BBS4: variants seen among roughly 807,000 people sequenced by gnomAD.
BBS4 encodes Bardet-Biedl syndrome 4.
Under a neutral mutation model 71.4 loss-of-function variants are expected in BBS4, and 58 were observed. The observed-to-expected ratio is 0.81, with a 90% CI of 0.66 to 1.01. BBS4 has a LOEUF of 1.01. Among genes scored for constraint, BBS4 ranks in the 50% least tolerant of loss-of-function variants. The probability of loss-of-function intolerance (pLI) is 0.00; values close to 1 mark genes in which losing one functional copy is unlikely to be tolerated. For missense variants in BBS4, 660 were observed against 607.9 expected, an observed-to-expected ratio of 1.09 and a Z score of -0.90; for synonymous variants, 228 against 216.8, an observed-to-expected ratio of 1.05 and a Z score of -0.46.
At chr15:72,729,970 C>T (rs2065780087) in intron 10 of BBS4, among the ~76,000 whole-genome samples, 1 of 152,158 alleles carries the variant, frequency 6.6e-6, no homozygotes, top group African/African-American at 2.4e-5. Flanking sequence ...AATGCCTCCA[C>T]AACTATTGTC....
intron 11 of BBS4, 38 bp from the exon 12 acceptor site, chr15:72,731,517 G>C (rs377516018): frequency 6.2e-7 from 1 of 1,614,066 alleles, no homozygotes; most frequent in Non-Finnish European, 8.5e-7. Context: ...GGTCTGTTTA[G>C]CTTGCCCTTC....
intron 1 of BBS4, among the ~76,000 whole-genome samples, chr15:72,691,439 C>T (rs1370179178): frequency 1.3e-5 from 2 of 152,096 alleles, no homozygotes; most frequent in Non-Finnish European, 2.9e-5. Flanking sequence ...TTTCCTTCCT[C>T]CACATCAGAT....
chr15:72,721,966 C>A (rs1160068895), intron 6 of BBS4, among the ~76,000 whole-genome samples: 1 of 152,194 alleles, frequency 6.6e-6, no homozygotes, highest in African/African-American at 2.4e-5. Context: ...GCTACTCTGC[C>A]TTTTCTGCTT....
intron 6 of BBS4, among the ~76,000 whole-genome samples, chr15:72,719,981 C>T (rs1323341104): frequency 6.6e-6 from 1 of 151,550 alleles, no homozygotes; most frequent in African/African-American, 2.4e-5. Context: ...GAGCTCCTGA[C>T]GTTGTGATCC....
At chr15:72,718,543 CAATTT>C (rs1218246482) in intron 6 of BBS4, among the ~76,000 whole-genome samples, 3 of 152,112 alleles carry the variant, frequency 2.0e-5, no homozygotes, top group African/African-American at 7.2e-5. Context: ...GAAGTGTGTT[CAATTT>C]GTTAGTCGCT....
rs1374559448 is a variant in BBS4, at chr15:72,730,539, CT to C, written c.712-765del. On this transcript the variant is annotated intron_variant, in intron 10 of 15. Transcript: ENST00000268057. ...CCCAGGAGTTTGAGTCTACAGTGGGCTATGATGGCACCACTATACTCCAGCC... is the reference window on the plus strand; with the variant it reads ...CCCAGGAGTTTGAGTCTACAGTGGGCATGATGGCACCACTATACTCCAGCC... 7.3e-5 allele frequency among the ~76,000 whole-genome samples: 11 copies of C among 149,772 alleles called. No homozygotes were observed. In the Admixed American group the frequency reaches 7.4e-4, roughly 10 times the overall value.
chr15:72,693,812 G>A (rs1440885005), intron 1 of BBS4, among the ~76,000 whole-genome samples: 3 of 152,002 alleles, frequency 2.0e-5, no homozygotes, highest in African/African-American at 7.2e-5. Context: ...TTCTTATGAT[G>A]TCTTATTGTG....
At chr15:72,715,441 G>A (rs2151023533) in intron 5 of BBS4, 39 bp downstream of exon 5, 1 of 1,406,484 alleles carries the variant, frequency 7.1e-7, no homozygotes, top group East Asian at 2.3e-5. Flanking sequence ...GGCACTCACA[G>A]AGAACAGTGT....
intron 8 of BBS4, among the ~76,000 whole-genome samples, chr15:72,726,326 G>A (rs1201780273): frequency 6.6e-6 from 1 of 152,044 alleles, no homozygotes; most frequent in Non-Finnish European, 1.5e-5. Context: ...TGGTCAGGCT[G>A]GTCTCGAATT....
intron 8 of BBS4, among the ~76,000 whole-genome samples, chr15:72,726,069 TCTTTCTTTGTTTCTTTCTTTTCTTC>T (rs1196543769): frequency 1.4e-5 from 2 of 141,108 alleles, no homozygotes; most frequent in African/African-American, 2.6e-5. Flanking sequence ...CCCATTCCCA[TCTTTCTTTGTTTCTTTCTTTTCTTC>T]CTTTCTTCCT....
intron 1 of BBS4, among the ~76,000 whole-genome samples, chr15:72,690,773 CAG>C (rs891202480): frequency 2.6e-5 from 4 of 152,120 alleles, no homozygotes; most frequent in African/African-American, 7.2e-5. Context: ...TTTAAAAAAA[CAG>C]AAACAAATCT....
chr15:72,710,423 A>G (rs1319382737), intron 3 of BBS4, among the ~76,000 whole-genome samples: 1 of 151,978 alleles, frequency 6.6e-6, no homozygotes, highest in African/African-American at 2.4e-5. Context: ...GCTGGTCTCG[A>G]ACTCCTGACC....
intron 1 of BBS4, among the ~76,000 whole-genome samples, chr15:72,693,926 C>T (rs2065029673): frequency 6.6e-6 from 1 of 151,878 alleles, no homozygotes; most frequent in Non-Finnish European, 1.5e-5. Flanking sequence ...CTCTTATCGC[C>T]CAAGCTGGAG....
At position 72,715,252 on chromosome 15, in the gene BBS4, A is replaced by G. The variant is rs751542455; in HGVS notation, c.221-39A>G. The G allele has an allele frequency of 2.2e-5, 33 of 1,497,272 alleles. No individual in the cohort carries two copies. In the Middle Eastern group the frequency reaches 6.8e-4, roughly 31 times the overall value. The allele number at this position is 1,497,272 out of a possible 1,614,324, so 92.7% of individuals were successfully genotyped here. ...CCCCAGGCTCCATTCTTCCCAGAAC[A>G]TGGTTTTACTTTTTTTTGTATTTTC... On this transcript the variant is annotated intron_variant, in intron 4 of 15. Coordinates refer to ENST00000268057, the MANE Select transcript of BBS4 (RefSeq NM_033028.5).
At chr15:72,715,068 T>C (rs1256371739) in intron 4 of BBS4, among the ~76,000 whole-genome samples, 1 of 152,190 alleles carries the variant, frequency 6.6e-6, no homozygotes, top group Non-Finnish European at 1.5e-5. Flanking sequence ...GAGAAGTAGG[T>C]AGGTTTGAGC....
intron 12 of BBS4, among the ~76,000 whole-genome samples, chr15:72,734,656 G>A (rs1230364779): frequency 6.6e-6 from 1 of 152,126 alleles, no homozygotes; most frequent in Non-Finnish European, 1.5e-5. Flanking sequence ...TATATTAGGT[G>A]TCAAGGAAAT....
chr15:72,691,926 G>A (rs1401009917), intron 1 of BBS4, among the ~76,000 whole-genome samples: 3 of 144,904 alleles, frequency 2.1e-5, no homozygotes, highest in Non-Finnish European at 4.5e-5. Flanking sequence ...TTGTGCCACT[G>A]CACTTCAGCT....
chr15:72,726,345 C>G (rs1386987710), intron 8 of BBS4, among the ~76,000 whole-genome samples: 1 of 152,086 alleles, frequency 6.6e-6, no homozygotes, highest in Non-Finnish European at 1.5e-5. Flanking sequence ...TTCCTGGCCT[C>G]AAGTGATCTG....
chr15:72,703,527 A>T (rs962696469), intron 2 of BBS4, among the ~76,000 whole-genome samples: 14 of 152,216 alleles, frequency 9.2e-5, no homozygotes, highest in Non-Finnish European at 1.9e-4. Context: ...CCTGTTTGGC[A>T]TGAGGAAATT....
Sources: gnomAD v4.1 joint callset for allele counts (sites outside exome capture counted in the v4.1 genomes callset) on GRCh38, gnomAD v4.1.1 for gene constraint, MANE v1.5 for transcripts, NCBI Gene and HGNC (gene_info 2026-07-23, HGNC 2026-07-21) for gene names.